Variants in TSHZ2 observed in about 807,000 individuals in gnomAD.
TSHZ2 encodes teashirt zinc finger homeobox 2, also known as teashirt homolog 2.
Under a neutral mutation model 74.4 loss-of-function variants are expected in TSHZ2, and 21 were observed. The ratio of observed to expected loss-of-function variants is 0.28; its 90% CI spans 0.20 to 0.41. The LOEUF is 0.41. TSHZ2 is among the 10% of genes least tolerant of loss of function. TSHZ2 has a pLI of 1.00. For missense variants in TSHZ2, 1,244 were observed against 1,293.5 expected, an observed-to-expected ratio of 0.96 and a Z score of 0.59; for synonymous variants, 540 against 515.3, an observed-to-expected ratio of 1.05 and a Z score of -0.65.
chr20:53,433,586 C>CAT (rs1555864608), intron 2 of TSHZ2, among the ~76,000 whole-genome samples: 1 of 107,908 alleles, frequency 9.3e-6, no homozygotes, highest in Non-Finnish European at 2.1e-5. Context: ...GACACACAGA[C>CAT]ACACACACAC....
At chr20:53,232,512 T>C (rs1218859448) in intron 1 of TSHZ2, among the ~76,000 whole-genome samples, 1 of 152,222 alleles carries the variant, frequency 6.6e-6, no homozygotes, top group Admixed American at 6.5e-5. Context: ...TATTAGACAT[T>C]TCTGCAGAAA....
intron 1 of TSHZ2, among the ~76,000 whole-genome samples, chr20:53,139,244 G>A (rs556562059): frequency 6.6e-6 from 1 of 152,276 alleles, no homozygotes; most frequent in South Asian, 2.1e-4. Flanking sequence ...CAGAGACTAA[G>A]GCTATTTTGT....
intron 1 of TSHZ2, among the ~76,000 whole-genome samples, chr20:53,046,624 T>G (rs1984237206): frequency 1.3e-5 from 2 of 151,948 alleles, no homozygotes; most frequent in Admixed American, 1.3e-4. Context: ...TGCAAATGAG[T>G]TAGTATTTGA....
intron 1 of TSHZ2, among the ~76,000 whole-genome samples, chr20:53,250,832 TG>T (rs146405409): frequency 7.2e-6 from 1 of 139,180 alleles, no homozygotes; most frequent in Admixed American, 7.3e-5. Flanking sequence ...CAAATGTCAG[TG>T]GGAAAAAAAA....
intron 1 of TSHZ2, among the ~76,000 whole-genome samples, chr20:53,089,915 G>A (rs563899591): frequency 6.6e-6 from 1 of 152,212 alleles, no homozygotes; most frequent in Non-Finnish European, 1.5e-5. Flanking sequence ...GAGTTTATTA[G>A]GAGAATTGAC....
chr20:53,144,239 A>G (rs1987483624), intron 1 of TSHZ2, among the ~76,000 whole-genome samples: 1 of 152,208 alleles, frequency 6.6e-6, no homozygotes, highest in African/African-American at 2.4e-5. Context: ...CATAGTTTCT[A>G]ACCTTGTGGC....
chr20:53,002,791 C>T (rs919412953), intron 1 of TSHZ2, among the ~76,000 whole-genome samples: 4 of 152,168 alleles, frequency 2.6e-5, no homozygotes, highest in African/African-American at 9.7e-5. Context: ...ATCACATTCT[C>T]CAGGTACGAC....
At chr20:53,472,949 G>A (rs550052832) in intron 2 of TSHZ2, among the ~76,000 whole-genome samples, 33 of 152,162 alleles carry the variant, frequency 2.2e-4, no homozygotes, top group African/African-American at 6.7e-4. Context: ...CTTTTCCGAC[G>A]GGCTTAAAAA....
At chr20:53,172,431 A>G (rs1988225055) in intron 1 of TSHZ2, among the ~76,000 whole-genome samples, 1 of 152,148 alleles carries the variant, frequency 6.6e-6, no homozygotes, top group Non-Finnish European at 1.5e-5. Flanking sequence ...TTTTAGATTT[A>G]AAATATTTAA....
chr20:53,245,851 GGAGA>G (rs1231353786), intron 1 of TSHZ2, among the ~76,000 whole-genome samples: 1 of 152,142 alleles, frequency 6.6e-6, no homozygotes, highest in African/African-American at 2.4e-5. Context: ...AGAGCTGATA[GGAGA>G]GAGAACCAGA....
At chr20:53,024,102 A>T (rs1600651435) in intron 1 of TSHZ2, among the ~76,000 whole-genome samples, 2 of 148,840 alleles carry the variant, frequency 1.3e-5, no homozygotes, top group African/African-American at 4.9e-5. Flanking sequence ...CCACCCTCTT[A>T]TTTTTTTTTT....
chr20:53,276,592 G>C (rs756664693), intron 2 of TSHZ2, among the ~76,000 whole-genome samples: 5 of 152,162 alleles, frequency 3.3e-5, no homozygotes, highest in Non-Finnish European at 7.4e-5. Context: ...CTCAGGAATT[G>C]ATAGAGTTAA....
chr20:53,070,713 G>T (rs1020483717), intron 1 of TSHZ2, among the ~76,000 whole-genome samples: 1 of 152,110 alleles, frequency 6.6e-6, no homozygotes, highest in Non-Finnish European at 1.5e-5. Flanking sequence ...GTTTCTGTTA[G>T]GTGTTGTTGC....
chr20:53,032,837 A>G (rs1983687460), intron 1 of TSHZ2, among the ~76,000 whole-genome samples: 1 of 152,024 alleles, frequency 6.6e-6, no homozygotes, highest in Admixed American at 6.6e-5. Context: ...CTGGACATAA[A>G]TCCTGCCCTT....
chr20:53,246,464 T>G (rs1990208549), intron 1 of TSHZ2, among the ~76,000 whole-genome samples: 1 of 152,202 alleles, frequency 6.6e-6, no homozygotes, highest in African/African-American at 2.4e-5. Context: ...GAACGGATTT[T>G]CCTCCACCTG....
intron 1 of TSHZ2, among the ~76,000 whole-genome samples, chr20:53,245,985 C>G (rs1393444138): frequency 2.0e-5 from 3 of 151,682 alleles, no homozygotes; most frequent in African/African-American, 4.9e-5. Flanking sequence ...CTGGCAATCC[C>G]AAACTCCATG....
At chr20:53,041,043 G>T (rs1984022377) in intron 1 of TSHZ2, among the ~76,000 whole-genome samples, 1 of 152,220 alleles carries the variant, frequency 6.6e-6, no homozygotes, top group African/African-American at 2.4e-5. Context: ...AGGAAGCTGA[G>T]CCGTCTCCTA....
intron 2 of TSHZ2, among the ~76,000 whole-genome samples, chr20:53,403,720 T>C (rs1045249442): frequency 6.6e-6 from 1 of 152,242 alleles, no homozygotes; most frequent in Non-Finnish European, 1.5e-5. Context: ...CTGGTGCTTT[T>C]ATACTGAAGC....
chr20:53,218,412 C>T (rs1600748042), intron 1 of TSHZ2, among the ~76,000 whole-genome samples: 1 of 152,242 alleles, frequency 6.6e-6, no homozygotes, highest in East Asian at 1.9e-4. Flanking sequence ...CCCACACAAA[C>T]CACTAAATAA....
Sources: allele counts gnomAD v4.1 joint callset (sites outside exome capture counted in the v4.1 genomes callset), GRCh38; gene constraint gnomAD v4.1.1; transcripts MANE v1.5; gene names NCBI Gene and HGNC (gene_info 2026-07-23, HGNC 2026-07-21).